PRSS36: variants seen among roughly 807,000 people sequenced by gnomAD.
The protein encoded by PRSS36 is polyserase-2.
PRSS36 carries 90 observed loss-of-function variants against 94.3 expected under a neutral mutation model. The observed-to-expected ratio is 0.95, with a 90% CI of 0.80 to 1.14. PRSS36 has a LOEUF of 1.14. Among genes scored for constraint, PRSS36 ranks in the 50% most tolerant of loss-of-function variants. The pLI is 0.00. For missense variants in PRSS36, 1,158 were observed against 1,135.0 expected (o/e 1.02, Z -0.29); for synonymous variants, 500 against 489.6 (o/e 1.02, Z -0.28).
At chr16:31,145,704 A>G in intron 6 of PRSS36, 85 bp downstream of exon 6, 2 of 1,346,812 alleles carry the variant, frequency 1.5e-6, no homozygotes, top group Non-Finnish European at 2.0e-6. Context: ...CCTTTTGCAG[A>G]TGAGGCTTGG....
At chr16:31,139,687 T>C (rs2057650968) in intron 14 of PRSS36, among the ~76,000 whole-genome samples, 1 of 151,484 alleles carries the variant, frequency 6.6e-6, no homozygotes, top group South Asian at 2.1e-4. Context: ...TGAGTCCAGC[T>C]TGGCCAACAT....
intron 1 of PRSS36, 84 bp downstream of exon 1, chr16:31,149,915 C>T: frequency 6.4e-7 from 1 of 1,567,448 alleles, no homozygotes; most frequent in Non-Finnish European, 8.7e-7. Flanking sequence ...CTGCTCCCCA[C>T]ACAGAAACCA....
chr16:31,139,355 A>T lies in PRSS36; in HGVS notation c.2351T>A (p.Met784Lys). 1 of 1,614,112 alleles carries T rather than the reference A, an allele frequency of 6.2e-7. No individual in the cohort carries two copies. The highest frequency in any genetic ancestry group is 8.5e-7 in the Non-Finnish European group (1 of 1,180,006). The change falls in exon 15 of 15, where the codon ATG becomes AAG. Residue 784 changes from methionine to lysine, a missense_variant. Met to Lys is a moderately conservative substitution (Grantham distance 95). Coordinates refer to ENST00000268281, the MANE Select transcript of PRSS36 (RefSeq NM_173502.5). Reference sequence around the variant, plus strand: ...CAGCTCCCGGCTCCCTTGAACAGCCATGCCCACGAGGATCCAGGACCCTTC... The same window carrying T: ...CAGCTCCCGGCTCCCTTGAACAGCCTTGCCCACGAGGATCCAGGACCCTTC... Reference protein sequence around the residue: ...MTEGSWILVGMAVQGSRELFA... With the variant: ...MTEGSWILVGKAVQGSRELFA...
At position 31,140,560 on chromosome 16, in the gene PRSS36, A is replaced by C. The variant is rs1567443634; in HGVS notation, c.2099T>G (p.Leu700Arg). 3 of 1,592,958 alleles carry C rather than the reference A, an allele frequency of 1.9e-6. No homozygotes were observed. Among genetic ancestry groups the C allele is most frequent in the Non-Finnish European group, 2.6e-6 (3 of 1,169,478 alleles). Residue 700 changes from leucine (L) to arginine (R), a missense_variant, in exon 13 of 15, where the codon CTC (leucine) becomes CGC (arginine). Transcript: ENST00000268281. ...EPSPSALPIC[L>R]HPAGIPPGAS... Reference sequence around the variant, plus strand: ...CCCCGGGGGGATACCCGCCGGGTGGAGACAGATGGGCAGGGCTGATGGGGA... The same window carrying C: ...CCCCGGGGGGATACCCGCCGGGTGGCGACAGATGGGCAGGGCTGATGGGGA...
intron 6 of PRSS36, among the ~76,000 whole-genome samples, chr16:31,145,352 G>A (rs1307838669): frequency 1.6e-4 from 20 of 124,270 alleles, no homozygotes; most frequent in Admixed American, 1.6e-3. Flanking sequence ...CAGCCTGGGC[G>A]ACTGAGCAAG....
intron 5 of PRSS36, among the ~76,000 whole-genome samples, chr16:31,146,680 C>T (rs2057803319): frequency 1.3e-5 from 2 of 152,182 alleles, no homozygotes; most frequent in Admixed American, 1.3e-4. Context: ...CCTTCCCCAA[C>T]TCACTCAGAA....
At chr16:31,146,007 G>C in intron 5 of PRSS36, 52 bp from the exon 6 acceptor site, 1 of 1,535,280 alleles carries the variant, frequency 6.5e-7, no homozygotes, top group Non-Finnish European at 8.8e-7. Flanking sequence ...GGCATCCCCA[G>C]TTCCCAGGGT....
Position 31,142,859 on chromosome 16 carries a change from G to A in PRSS36, c.1235C>T (p.Ala412Val), listed in dbSNP as rs1183178601. 6.4e-6 allele frequency: 10 copies of A among 1,557,834 alleles called. No individual in the cohort carries two copies. Among genetic ancestry groups the A allele is most frequent in the Middle Eastern group, 1.7e-4 (1 of 5,912 alleles). ...NASWDNASDL[A>V]LLQLRTPVNL... ...CACGGGCGTGCGCAGCTGCAGCAGC[G>A]CCAGGTCCGAGGCGTTGTCCCACGA... is the stretch of plus-strand genomic sequence containing the variant. Residue 412 changes from alanine (A) to valine (V), a missense_variant, in exon 9 of 15, where the codon GCG becomes GTG. Ala to Val is a moderately conservative substitution (Grantham distance 64). Coordinates refer to ENST00000268281, the MANE Select transcript of PRSS36 (RefSeq NM_173502.5).
intron 10 of PRSS36, among the ~76,000 whole-genome samples, chr16:31,142,178 C>T (rs980474000): frequency 3.9e-5 from 6 of 152,226 alleles, no homozygotes; most frequent in Admixed American, 2.0e-4. Flanking sequence ...AGCACCAGCT[C>T]AGAGCCCGCC....
In PRSS36 at chr16:31,139,012, G is replaced by C; in HGVS notation, c.*126C>G. On this transcript the variant is annotated 3_prime_UTR_variant, in exon 15 of 15. Coordinates refer to ENST00000268281, the MANE Select transcript of PRSS36 (RefSeq NM_173502.5). ...TAGCCCGGGCACTGAGGCCCAATTA[G>C]CCAGAGCCGCTGCAATCTCGGTGGG... is the stretch of plus-strand genomic sequence containing the variant. The C allele has an allele frequency of 8.5e-7, 1 of 1,171,316 alleles. No homozygotes were observed. Among genetic ancestry groups the C allele is most frequent in the East Asian group, 2.5e-5 (1 of 40,764 alleles). The allele number at this position is 1,171,316 out of a possible 1,614,324, so 72.6% of individuals were successfully genotyped here. A position where few individuals can be genotyped will look rare whatever the true frequency, so the allele number is the denominator to read the frequency against.
rs571871894 is a variant in PRSS36, at chr16:31,145,855, G to A, written c.654C>T (p.Leu218=). ...GCATCCCTGGCAATATCTGGAGAGT[G>A]AGGTTGAAGGGACCGGGCTGGCTGT... ...CLYSQPGPFN[L]TLQILPGMLC... The change falls in exon 6 of 15, where the codon CTC becomes CTT. Residue 218 remains leucine (L), a synonymous_variant. Coordinates refer to ENST00000268281, the MANE Select transcript of PRSS36 (RefSeq NM_173502.5). 1.2e-6 allele frequency: 2 copies of A among 1,614,166 alleles called. No individual in the cohort carries two copies. The highest frequency in any genetic ancestry group is 1.1e-5 in the South Asian group (1 of 91,090).
At chr16:31,143,143 C>T in intron 8 of PRSS36, 150 bp from the exon 9 acceptor site, 2 of 1,319,904 alleles carry the variant, frequency 1.5e-6, no homozygotes, top group Non-Finnish European at 2.0e-6. Flanking sequence ...ACACCCCCGC[C>T]TCCGGGATCG....
At chr16:31,149,868 T>G in intron 1 of PRSS36, 131 bp downstream of exon 1, 1 of 1,523,828 alleles carries the variant, frequency 6.6e-7, no homozygotes, top group South Asian at 1.1e-5. Context: ...TGATACATCC[T>G]CGCCTTCTGC....
chr16:31,148,953 G>A, intron 4 of PRSS36, 120 bp downstream of exon 4: 1 of 1,211,768 alleles, frequency 8.3e-7, no homozygotes, highest in South Asian at 1.6e-5. Context: ...ACCTCGCTTT[G>A]GGGACAGCTT....
chr16:31,142,907 C>A lies in PRSS36; in HGVS notation c.1187G>T (p.Arg396Leu). The change falls in exon 9 of 15, where the codon CGC becomes CTC. Residue 396 changes from arginine to leucine, a missense_variant. By Grantham distance (102) the Arg-to-Leu change is moderately radical. Transcript: ENST00000268281. The stretch of plus-strand genomic sequence containing the variant: ...CGAAGCGTTCTCGTGCTGCACCAGG[C>A]GCGCCACCCGCTCCGCGCGCGGGCG... ...PSRPRAERVA[R>L]LVQHENASWD... 6.5e-7 allele frequency: 1 copy of A among 1,538,026 alleles called. No homozygotes were observed. Among genetic ancestry groups the A allele is most frequent in the Non-Finnish European group, 8.7e-7 (1 of 1,148,342 alleles).
At chr16:31,139,519 A>G in intron 14 of PRSS36, 103 bp from the exon 15 acceptor site, 1 of 1,359,960 alleles carries the variant, frequency 7.4e-7, no homozygotes, top group Non-Finnish European at 1.0e-6. Flanking sequence ...CTGCATCCCT[A>G]GACATCCAGG....
At chr16:31,142,333 C>T in intron 10 of PRSS36, 148 bp downstream of exon 10, 2 of 941,932 alleles carry the variant, frequency 2.1e-6, no homozygotes, top group South Asian at 1.9e-5. Context: ...CCCCAGGCCC[C>T]GCTCCCTCCC....
Position 31,142,945 on chromosome 16 carries a change from C to A in PRSS36, c.1149G>T (p.Val383=). Residue 383 remains valine, a synonymous_variant, in exon 9 of 15, where the codon GTG becomes GTT. Coordinates refer to ENST00000268281, the MANE Select transcript of PRSS36 (RefSeq NM_173502.5). The part of the protein sequence containing the change: ...SPPRDLDAWR[V]LLPSRPRAER... ...CCGCGCGCGGGCGCGAGGGCAGCAG[C>A]ACGCGCCAGGCGTCGAGGTCGCGGG... The A allele has an allele frequency of 6.8e-7, 1 of 1,470,882 alleles. No individual in the cohort carries two copies. The highest frequency in any genetic ancestry group is 8.9e-7 in the Non-Finnish European group (1 of 1,118,136). The allele number at this position is 1,470,882 out of a possible 1,614,324, so 91.1% of individuals were successfully genotyped here.
In PRSS36 at chr16:31,145,879, G is replaced by A. The variant is rs745652857; in HGVS notation, c.630C>T (p.Tyr210=). Residue 210 remains tyrosine, a synonymous_variant, in exon 6 of 15, where the codon TAC becomes TAT. Transcript: ENST00000268281. Reference sequence around the variant, plus strand: ...TGAGGTTGAAGGGACCGGGCTGGCTGTAGAGACATTGACAGGTGGCCTCGC... The same window carrying A: ...TGAGGTTGAAGGGACCGGGCTGGCTATAGAGACATTGACAGGTGGCCTCGC... ...LLGEATCQCL[Y]SQPGPFNLTL... is the part of the protein sequence containing the mutation. 5 of 1,614,112 alleles carry A rather than the reference G, an allele frequency of 3.1e-6. No homozygotes were observed. The East Asian group carries it at 1.1e-4, about 36-fold the overall frequency.
Sources: allele counts gnomAD v4.1 joint callset (sites outside exome capture counted in the v4.1 genomes callset), GRCh38; gene constraint gnomAD v4.1.1; transcripts MANE v1.5; gene names NCBI Gene and HGNC (gene_info 2026-07-23, HGNC 2026-07-21).